IGLON5: variants seen among roughly 807,000 people sequenced by gnomAD.
IGLON5 encodes IgLON family member 5.
A neutral mutation model predicts 38.2 loss-of-function variants in IGLON5; 16 were observed. That is an observed-to-expected ratio of 0.42 (90% CI 0.28 to 0.64). IGLON5 has a LOEUF of 0.64. Ranked by LOEUF, IGLON5 falls within the 30% of genes least tolerant of loss-of-function variation. IGLON5 has a pLI of 0.23. For missense variants in IGLON5, 366 were observed against 483.4 expected (o/e 0.76, Z 2.28); for synonymous variants, 207 against 216.4 (o/e 0.96, Z 0.38).
At chr19:51,321,391 C>G (rs1985052713) in intron 1 of IGLON5, among the ~76,000 whole-genome samples, 1 of 152,098 alleles carries the variant, frequency 6.6e-6, no homozygotes, top group Admixed American at 6.6e-5. Flanking sequence ...GTTGGCCAGG[C>G]TGGTCTCGAA....
chr19:51,316,885 C>G (rs900681953), intron 1 of IGLON5, among the ~76,000 whole-genome samples: 2 of 152,228 alleles, frequency 1.3e-5, no homozygotes, highest in South Asian at 2.1e-4. Context: ...CTTCTCACAG[C>G]CTTTCCCAGC....
chr19:51,326,908 C>T lies in IGLON5; in HGVS notation c.646+10C>T, dbSNP rs928629170. 1.9e-6 allele frequency: 3 copies of T among 1,570,108 alleles called. No homozygotes were observed. Among genetic ancestry groups the T allele is most frequent in the African/African-American group, 1.4e-5 (1 of 73,958 alleles). On this transcript the variant is annotated intron_variant, in intron 5 of 7. Transcript: ENST00000270642. ...CTGGTCACAGTCAACTGTGAGCCCC[C>T]CTGGCACTGGGCACGAAAGGGTGGC...
chr19:51,316,282 T>C (rs1599822813), intron 1 of IGLON5, among the ~76,000 whole-genome samples: 1 of 141,740 alleles, frequency 7.1e-6, no homozygotes. Flanking sequence ...GAGGTGGAGG[T>C]TGCAGTGAGC....
At chr19:51,323,033 C>T (rs2123527294) in intron 2 of IGLON5, among the ~76,000 whole-genome samples, 1 of 149,234 alleles carries the variant, frequency 6.7e-6, no homozygotes, top group East Asian at 2.0e-4. Context: ...GGGTCTCTGT[C>T]CCCCTCTCTC....
chr19:51,322,561 CCT>C (rs1053668831), intron 2 of IGLON5, among the ~76,000 whole-genome samples: 5 of 150,236 alleles, frequency 3.3e-5, no homozygotes, highest in Non-Finnish European at 7.4e-5. Flanking sequence ...TCTGTTCCCC[CCT>C]CTCTCCACGC....
Position 51,327,687 on chromosome 19 carries a change from CT to C in IGLON5, c.768-44del. ...GGAGCCTGAGAGTCGGGGGGCTGGCCTGGCTGGGCGCTGCGGCCCGGCCCCT... is the reference window on the plus strand; with the variant it reads ...GGAGCCTGAGAGTCGGGGGGCTGGCCGGCTGGGCGCTGCGGCCCGGCCCCT... On this transcript the variant is annotated intron_variant, in intron 6 of 7. Transcript: ENST00000270642. This position sits in a 1 kb window ranked among gnomAD's most constrained non-coding sequence, Gnocchi z 7.1. 1 of 1,541,324 alleles carries C rather than the reference CT, an allele frequency of 6.5e-7. No homozygotes were observed. Among genetic ancestry groups the C allele is most frequent in the Non-Finnish European group, 8.7e-7 (1 of 1,149,314 alleles).
chr19:51,326,693 G>C, intron 4 of IGLON5, 71 bp from the exon 5 acceptor site: 1 of 1,302,520 alleles, frequency 7.7e-7, no homozygotes, highest in South Asian at 1.4e-5. Flanking sequence ...GTGTGTCCGT[G>C]TTGTGCCCGT....
intron 7 of IGLON5, among the ~76,000 whole-genome samples, chr19:51,328,195 A>G (rs1251007710): frequency 6.6e-6 from 1 of 152,186 alleles, no homozygotes; most frequent in Non-Finnish European, 1.5e-5. Flanking sequence ...GCAAACACAT[A>G]CATAAACAAA....
intron 1 of IGLON5, among the ~76,000 whole-genome samples, chr19:51,313,865 A>G (rs1241188446): frequency 6.6e-6 from 1 of 150,988 alleles, no homozygotes; most frequent in Non-Finnish European, 1.5e-5. Flanking sequence ...GGGACCACAG[A>G]TGCACGCCAC....
At chr19:51,322,447 T>TCCAGAGAGAAGGGGACAGAGAC (rs1985088390) in intron 2 of IGLON5, among the ~76,000 whole-genome samples, 3 of 145,312 alleles carry the variant, frequency 2.1e-5, no homozygotes, top group African/African-American at 8.2e-5. Flanking sequence ...GGGACAGAGA[T>TCCAGAGAGAAGGGGACAGAGAC]CCAGAGAGAA....
rs976728934 is a variant in IGLON5, at chr19:51,329,268, G to C, written c.*509G>C. On this transcript the variant is annotated 3_prime_UTR_variant, in exon 8 of 8. Coordinates refer to ENST00000270642, the MANE Select transcript of IGLON5 (RefSeq NM_001101372.3). The surrounding 1 kb of genome is among the most constrained non-coding windows in gnomAD (Gnocchi z 4.3). ...GGCTCTGCAGTGGAAGCTGTGAAGAGAGGCTTACCAGGCTCCCTGCTTCCC... is the reference window on the plus strand; with the variant it reads ...GGCTCTGCAGTGGAAGCTGTGAAGACAGGCTTACCAGGCTCCCTGCTTCCC... 1 of 152,612 alleles carries C rather than the reference G, an allele frequency of 6.6e-6. No homozygotes were observed. Among genetic ancestry groups the C allele is most frequent in the African/African-American group, 2.4e-5 (1 of 41,548 alleles). The allele number at this position is 152,612 out of a possible 1,614,324, so 9.5% of individuals were successfully genotyped here.
chr19:51,322,394 G>A (rs112865978), intron 2 of IGLON5, among the ~76,000 whole-genome samples: 1,795 of 150,940 alleles, frequency 0.012, 36 homozygotes, highest in African/African-American at 0.039. Context: ...AGAGAGAGAG[G>A]GACAGAGACC....
rs554899433 is a variant in IGLON5 at position 51,314,177 on chromosome 19, C to T, written c.79+2251C>T. 9.8e-5 allele frequency among the ~76,000 whole-genome samples: 14 copies of T among 142,802 alleles called. No homozygotes were observed. In the East Asian group the frequency reaches 2.8e-3, roughly 28 times the overall value. The allele number at this position is 142,802 out of a possible 152,430, so 93.7% of individuals were successfully genotyped here. A position where few individuals can be genotyped will look rare whatever the true frequency, so the allele number is the denominator to read the frequency against. The stretch of plus-strand genomic sequence containing the variant: ...TCTCTCACTGCAACTTCCCATTTTT[C>T]ACATTCACTATTTTTTTTTTTTTTG... On this transcript the variant is annotated intron_variant, in intron 1 of 7. Coordinates refer to ENST00000270642, the MANE Select transcript of IGLON5 (RefSeq NM_001101372.3).
At position 51,322,154 on chromosome 19, in the gene IGLON5, G is replaced by T; in HGVS notation, c.158+12G>T. 1 of 1,600,790 alleles carries T rather than the reference G, an allele frequency of 6.2e-7. No individual in the cohort carries two copies. Among genetic ancestry groups the T allele is most frequent in the South Asian group, 1.1e-5 (1 of 90,898 alleles). On this transcript the variant is annotated intron_variant, in intron 2 of 7. Transcript: ENST00000270642. Reference sequence around the variant, plus strand: ...AACGCCACCCTCAGGTACCTCCCTCGGTGGGTGGGGACTCAGATCTCATGG... The same window carrying T: ...AACGCCACCCTCAGGTACCTCCCTCTGTGGGTGGGGACTCAGATCTCATGG...
chr19:51,329,086 G>C lies in IGLON5; in HGVS notation c.*327G>C, dbSNP rs560899524. 2 of 170,866 alleles carry C rather than the reference G, an allele frequency of 1.2e-5. No individual in the cohort carries two copies. Among genetic ancestry groups the C allele is most frequent in the African/African-American group, 4.8e-5 (2 of 41,260 alleles). 10.6% of individuals were successfully genotyped at this position (170,866 alleles called of 1,614,324 possible). A position where few individuals can be genotyped will look rare whatever the true frequency, so the allele number is the denominator to read the frequency against. ...TGTGTGGGTGTGGGTGTGTGAGTGTGAGCCTGCATGCATGTGTAGGTGTCT... is the reference window on the plus strand; with the variant it reads ...TGTGTGGGTGTGGGTGTGTGAGTGTCAGCCTGCATGCATGTGTAGGTGTCT... On this transcript the variant is annotated 3_prime_UTR_variant, in exon 8 of 8. Transcript: ENST00000270642. The surrounding 1 kb of genome is among the most constrained non-coding windows in gnomAD (Gnocchi z 4.3).
Position 51,322,079 on chromosome 19 carries a change from G to C in IGLON5, c.95G>C (p.Ser32Thr). Reference protein sequence around the residue: ...AVISRGLLSQSLEFNSPADNY... With the variant: ...AVISRGLLSQTLEFNSPADNY... ...CCTTCCACAGGGCTGCTCTCCCAGA[G>C]CCTGGAGTTCAACTCTCCTGCCGAC... Residue 32 changes from serine (S) to threonine (T), a missense_variant, in exon 2 of 8, where the codon AGC (serine) becomes ACC (threonine). Transcript: ENST00000270642. 1 of 1,613,314 alleles carries C rather than the reference G, an allele frequency of 6.2e-7. No individual in the cohort carries two copies. The highest frequency in any genetic ancestry group is 8.5e-7 in the Non-Finnish European group (1 of 1,179,856).
In IGLON5 at chr19:51,327,781, C is replaced by T; in HGVS notation, c.817C>T (p.Arg273Cys). 6.4e-7 allele frequency: 1 copy of T among 1,573,506 alleles called. No homozygotes were observed. ...EGLKVQTERTRSMLLFANVSA... is the reference protein window; with the variant it reads ...EGLKVQTERTCSMLLFANVSA... The stretch of plus-strand genomic sequence containing the variant: ...CCTGAAGGTGCAGACGGAGCGCACC[C>T]GCTCGATGCTTCTCTTTGCCAACGT... The change falls in exon 7 of 8, where the codon CGC becomes TGC. Residue 273 changes from arginine to cysteine, a missense_variant. Coordinates refer to ENST00000270642, the MANE Select transcript of IGLON5 (RefSeq NM_001101372.3). This position sits in a 1 kb window ranked among gnomAD's most constrained non-coding sequence, Gnocchi z 7.1.
Position 51,324,652 on chromosome 19 carries a change from A to G in IGLON5, c.392-694A>G, listed in dbSNP as rs1046528708. Among the ~76,000 whole-genome samples, 1 of 152,064 alleles carries G rather than the reference A, an allele frequency of 6.6e-6. No individual in the cohort carries two copies. Among genetic ancestry groups the G allele is most frequent in the African/African-American group, 2.4e-5 (1 of 41,422 alleles). ...TTTGCAAAATGGGGATGGTGCTGTC[A>G]TATGTCAAATCCCAGACGTCGTCAA... On this transcript the variant is annotated intron_variant, in intron 3 of 7. Transcript: ENST00000270642. The surrounding 1 kb of genome is among the most constrained non-coding windows in gnomAD (Gnocchi z 4.2).
intron 1 of IGLON5, among the ~76,000 whole-genome samples, chr19:51,321,766 C>T (rs1985061928): frequency 6.6e-6 from 1 of 152,204 alleles, no homozygotes; most frequent in African/African-American, 2.4e-5. Flanking sequence ...TGGACACCTA[C>T]CCATCTGAGT....
Sources: allele counts gnomAD v4.1 joint callset (sites outside exome capture counted in the v4.1 genomes callset), GRCh38; gene constraint gnomAD v4.1.1; non-coding constraint Gnocchi (gnomAD v3.1); transcripts MANE v1.5; gene names NCBI Gene and HGNC (gene_info 2026-07-23, HGNC 2026-07-21).